Variants in ALK observed in about 807,000 individuals in gnomAD.
ALK encodes ALK tyrosine kinase receptor.
ALK carries 74 observed loss-of-function variants against 163.1 expected under a neutral mutation model. That is an observed-to-expected ratio of 0.45 (90% confidence interval 0.38 to 0.55). The LOEUF (loss-of-function observed/expected upper bound fraction) is 0.55. Ranked by LOEUF, ALK falls within the 20% of genes least tolerant of loss-of-function variation. The pLI is 0.00. For missense variants in ALK, 2,063 were observed against 2,105.3 expected, an observed-to-expected ratio of 0.98 and a Z score of 0.39; for synonymous variants, 960 against 843.2, an observed-to-expected ratio of 1.14 and a Z score of -2.40.
intron 3 of ALK, among the ~76,000 whole-genome samples, chr2:29,543,044 C>T (rs1673455261): frequency 6.6e-6 from 1 of 151,632 alleles, no homozygotes; most frequent in Non-Finnish European, 1.5e-5. Flanking sequence ...CTCTTTTCTT[C>T]TTCTTTTAAC....
chr2:29,647,528 G>C (rs1263414251), intron 3 of ALK, among the ~76,000 whole-genome samples: 1 of 152,060 alleles, frequency 6.6e-6, no homozygotes, highest in Admixed American at 6.6e-5. Context: ...TGTAATTATA[G>C]GTAGACTCAT....
intron 1 of ALK, among the ~76,000 whole-genome samples, chr2:29,848,655 C>T (rs148613314): frequency 2.2e-4 from 34 of 152,274 alleles, no homozygotes; most frequent in Admixed American, 2.2e-3. Context: ...AGGCTTCCAG[C>T]AGGTCTCAGC....
chr2:29,883,629 C>A (rs1044340234), intron 1 of ALK, among the ~76,000 whole-genome samples: 2 of 152,198 alleles, frequency 1.3e-5, no homozygotes, highest in Non-Finnish European at 1.5e-5. Flanking sequence ...GAGAAGCCAA[C>A]TAACTCAGAT....
chr2:29,582,755 T>A (rs1169633079), intron 3 of ALK, among the ~76,000 whole-genome samples: 3 of 151,936 alleles, frequency 2.0e-5, no homozygotes, highest in African/African-American at 7.3e-5. Flanking sequence ...AAAATACAGA[T>A]GCAGAGAAAG....
chr2:29,452,492 C>T (rs1279177920), intron 4 of ALK, among the ~76,000 whole-genome samples: 3 of 152,070 alleles, frequency 2.0e-5, no homozygotes, highest in Admixed American at 6.6e-5. Flanking sequence ...TCATTTATTT[C>T]GTTACTTCTT....
chr2:29,196,664 A>G (rs934039933), intron 28 of ALK, 106 bp downstream of exon 28: 2 of 858,044 alleles, frequency 2.3e-6, no homozygotes, highest in African/African-American at 3.3e-5. Context: ...TTTGATCATA[A>G]ATCTTGTACT....
intron 1 of ALK, among the ~76,000 whole-genome samples, chr2:29,734,912 T>TTATA (rs1283510765): frequency 6.6e-6 from 1 of 152,180 alleles, no homozygotes; most frequent in Admixed American, 6.5e-5. Context: ...ATAGATAATC[T>TTATA]TATACATTCC....
intron 4 of ALK, among the ~76,000 whole-genome samples, chr2:29,478,989 G>A (rs1277539030): frequency 6.6e-6 from 1 of 152,182 alleles, no homozygotes; most frequent in East Asian, 1.9e-4. Context: ...CTAAGTGAAT[G>A]CCGTCTAATG....
intron 12 of ALK, among the ~76,000 whole-genome samples, chr2:29,250,524 C>T (rs1664789961): frequency 6.6e-6 from 1 of 152,134 alleles, no homozygotes; most frequent in African/African-American, 2.4e-5. Context: ...CTCCACCAGC[C>T]CTCCAGTCTT....
intron 1 of ALK, among the ~76,000 whole-genome samples, chr2:29,756,080 C>T (rs1234935713): frequency 6.6e-6 from 1 of 152,206 alleles, no homozygotes; most frequent in Non-Finnish European, 1.5e-5. Flanking sequence ...GCAAGGAGCC[C>T]ACATCCTTGG....
chr2:29,272,196 G>A, intron 11 of ALK, among the ~76,000 whole-genome samples: 1 of 149,846 alleles, frequency 6.7e-6, no homozygotes, highest in East Asian at 1.9e-4. Context: ...GAGAGAGAGA[G>A]AGAGAGAGAG....
At chr2:29,505,872 G>A (rs1573410557) in intron 4 of ALK, among the ~76,000 whole-genome samples, 1 of 151,232 alleles carries the variant, frequency 6.6e-6, no homozygotes, top group Admixed American at 6.6e-5. Flanking sequence ...TGGGGTGAAT[G>A]AATATAGAAG....
At chr2:29,802,176 T>G in intron 1 of ALK, among the ~76,000 whole-genome samples, 1 of 151,884 alleles carries the variant, frequency 6.6e-6, no homozygotes, top group East Asian at 1.9e-4. Context: ...AATAGTTACC[T>G]ACTTAAGCTC....
chr2:29,524,355 A>G (rs895255890), intron 4 of ALK, among the ~76,000 whole-genome samples: 1 of 152,240 alleles, frequency 6.6e-6, no homozygotes, highest in East Asian at 1.9e-4. Flanking sequence ...TGACTGGATA[A>G]GAACAGCTCT....
chr2:29,295,373 TC>T (rs1157161753), intron 9 of ALK, among the ~76,000 whole-genome samples: 1 of 152,164 alleles, frequency 6.6e-6, no homozygotes, highest in South Asian at 2.1e-4. Flanking sequence ...ATTTCACCTC[TC>T]CCAGGAGGGA....
chr2:29,517,289 A>G (rs1672698086), intron 4 of ALK, among the ~76,000 whole-genome samples: 1 of 152,074 alleles, frequency 6.6e-6, no homozygotes, highest in Admixed American at 6.6e-5. Flanking sequence ...GTTGCTGATA[A>G]TCATACATCT....
chr2:29,818,829 C>G (rs1488028463), intron 1 of ALK, among the ~76,000 whole-genome samples: 1 of 152,248 alleles, frequency 6.6e-6, no homozygotes, highest in Non-Finnish European at 1.5e-5. Flanking sequence ...GTTCTGCACT[C>G]TAGCTGCATG....
chr2:29,631,942 G>A (rs1302596982), intron 3 of ALK, among the ~76,000 whole-genome samples: 1 of 152,218 alleles, frequency 6.6e-6, no homozygotes, highest in Non-Finnish European at 1.5e-5. Context: ...TCTCACACAT[G>A]TATCATTCGA....
intron 5 of ALK, among the ~76,000 whole-genome samples, chr2:29,329,474 G>A (rs1337771045): frequency 2.0e-5 from 3 of 152,144 alleles, no homozygotes; most frequent in East Asian, 3.9e-4. Context: ...GGCTCACCTG[G>A]GTCAACACCC....
Sources: allele counts gnomAD v4.1 joint callset (sites outside exome capture counted in the v4.1 genomes callset), GRCh38; gene constraint gnomAD v4.1.1; transcripts MANE v1.5; gene names NCBI Gene and HGNC (gene_info 2026-07-23, HGNC 2026-07-21).